Variants in CUL4A observed in about 807,000 individuals in gnomAD.
CUL4A encodes the protein cullin-4A.
A neutral mutation model predicts 95.5 loss-of-function variants in CUL4A; 16 were observed. The observed-to-expected ratio is 0.17, with a 90% confidence interval of 0.11 to 0.25. The LOEUF (loss-of-function observed/expected upper bound fraction) is 0.25, where lower values mean the gene tolerates loss of function less well. Among genes scored for constraint, CUL4A ranks in the 10% least tolerant of loss-of-function variants. The pLI, the probability that CUL4A is intolerant of heterozygous loss-of-function variation, is 1.00. For synonymous variants in CUL4A, 380 were observed against 353.1 expected (o/e 1.08, Z -0.85); for missense variants, 610 against 937.0 (o/e 0.65, Z 4.56).
Position 113,263,953 on chromosome 13 carries a change from G to T in CUL4A, c.*371G>T, listed in dbSNP as rs1042464465. 6.1e-6 allele frequency: 1 copy of T among 162,816 alleles called. No homozygotes were observed. Among genetic ancestry groups the T allele is most frequent in the African/African-American group, 2.4e-5 (1 of 41,892 alleles). The allele number at this position is 162,816 out of a possible 1,614,324, so 10.1% of individuals were successfully genotyped here. ...GTGATCATGAGTGCACAATGAAGAA[G>T]ACCCTAGATGCTGCATTTTTTAGCT... On this transcript the variant is annotated 3_prime_UTR_variant, in exon 20 of 20. Coordinates refer to ENST00000375440, the MANE Select transcript of CUL4A (RefSeq NM_001008895.4).
At chr13:113,257,770 C>T (rs2042167211) in intron 18 of CUL4A, among the ~76,000 whole-genome samples, 1 of 151,830 alleles carries the variant, frequency 6.6e-6, no homozygotes, top group South Asian at 2.1e-4. Flanking sequence ...TTTTAAAAAA[C>T]ATTTATACTA....
chr13:113,208,959 C>A (rs961339955), upstream of CUL4A: 2 of 1,167,982 alleles, frequency 1.7e-6, no homozygotes, highest in Non-Finnish European at 2.1e-6. Context: ...GCTGACCCTT[C>A]GTCTGCCCCT....
chr13:113,239,406 T>C, intron 9 of CUL4A, 27 bp from the exon 10 acceptor site: 1 of 1,572,196 alleles, frequency 6.4e-7, no homozygotes, highest in Non-Finnish European at 8.8e-7. Flanking sequence ...CATGCTGTAC[T>C]CTGCTGACGT....
At chr13:113,247,864 AC>A (rs2041895813) in intron 15 of CUL4A, among the ~76,000 whole-genome samples, 1 of 151,972 alleles carries the variant, frequency 6.6e-6, no homozygotes, top group Non-Finnish European at 1.5e-5. Flanking sequence ...TAATACTTTC[AC>A]CCCATTTCTG....
chr13:113,224,308 G>A (rs1235683043), intron 3 of CUL4A, among the ~76,000 whole-genome samples: 1 of 151,622 alleles, frequency 6.6e-6, no homozygotes, highest in Non-Finnish European at 1.5e-5. Flanking sequence ...AGCCGAGATC[G>A]CACCACTGCA....
intron 7 of CUL4A, among the ~76,000 whole-genome samples, chr13:113,234,717 A>C (rs544623501): frequency 3.9e-5 from 6 of 152,116 alleles, no homozygotes; most frequent in African/African-American, 1.4e-4. Flanking sequence ...CAGGGTTGCC[A>C]TTTAGCACCT....
intron 18 of CUL4A, among the ~76,000 whole-genome samples, chr13:113,259,386 G>A (rs1232805606): frequency 6.6e-6 from 1 of 152,222 alleles, no homozygotes; most frequent in Non-Finnish European, 1.5e-5. Flanking sequence ...TGCCTCATAT[G>A]TATGCACAGA....
chr13:113,240,507 C>T (rs71446679), intron 10 of CUL4A, among the ~76,000 whole-genome samples: 32,635 of 152,120 alleles, frequency 0.21, 4,005 homozygotes, highest in South Asian at 0.43. Flanking sequence ...AAATGGTGAA[C>T]ATTTAGCAAA....
At chr13:113,248,688 A>G (rs1241602948) in intron 15 of CUL4A, among the ~76,000 whole-genome samples, 1 of 152,192 alleles carries the variant, frequency 6.6e-6, no homozygotes, top group East Asian at 1.9e-4. Context: ...TATTTTATAT[A>G]AGTGTGAGAT....
chr13:113,261,353 C>G (rs968400474), intron 19 of CUL4A, among the ~76,000 whole-genome samples: 15 of 152,118 alleles, frequency 9.9e-5, no homozygotes, highest in African/African-American at 3.4e-4. Flanking sequence ...GGGACAGGAC[C>G]GGCCACACGT....
At chr13:113,257,520 A>AGGG (rs1332740578) in intron 18 of CUL4A, among the ~76,000 whole-genome samples, 4 of 152,100 alleles carry the variant, frequency 2.6e-5, no homozygotes, top group African/African-American at 9.7e-5. Context: ...GGAAGGTGCA[A>AGGG]GGGGAGCAGG....
At position 113,232,096 on chromosome 13, in the gene CUL4A, GTCACCACTACCCGCCCACCACCATTA is replaced by G. The variant is rs1566343174; in HGVS notation, c.513-1080_513-1055del. Among the ~76,000 whole-genome samples, 44 of 144,610 alleles carry G rather than the reference GTCACCACTACCCGCCCACCACCATTA, an allele frequency of 3.0e-4. 1 individual carries two copies. Among genetic ancestry groups the G allele is most frequent in the African/African-American group, 1.1e-3 (39 of 35,842 alleles). 94.9% of individuals were successfully genotyped at this position (144,610 alleles called of 152,430 possible). ...CCACTACCCGCCCACCACCATTACT[GTCACCACTACCCGCCCACCACCATTA>G]CTGTCACCACTACCCGCCCACCACC... On this transcript the variant is annotated intron_variant, in intron 5 of 19. Transcript: ENST00000375440.
chr13:113,243,179 T>C lies in CUL4A; in HGVS notation c.1228+19T>C, dbSNP rs1342951756. 1.3e-6 allele frequency: 2 copies of C among 1,574,270 alleles called. No homozygotes were observed. The highest frequency in any genetic ancestry group is 2.3e-5 in the East Asian group (1 of 44,050). ...CTGATCGGTAGAAAAATATTTGTTT[T>C]TTTTGTTTGTTTGTTTTTGAGACAG... is the stretch of plus-strand genomic sequence containing the variant. On this transcript the variant is annotated intron_variant, in intron 11 of 19. Coordinates refer to ENST00000375440, the MANE Select transcript of CUL4A (RefSeq NM_001008895.4).
At chr13:113,208,752 G>A (rs911029982), upstream of CUL4A, 10 of 1,469,862 alleles carry the variant, frequency 6.8e-6, no homozygotes, top group Non-Finnish European at 9.0e-6. Context: ...CGGGTGCGCA[G>A]GTTGGTTCCG....
intron 18 of CUL4A, among the ~76,000 whole-genome samples, chr13:113,259,842 T>C (rs1377960259): frequency 2.0e-5 from 3 of 152,262 alleles, no homozygotes; most frequent in African/African-American, 7.2e-5. Context: ...GGAAGGTACC[T>C]TTTACTACAA....
At chr13:113,260,843 C>A in intron 19 of CUL4A, 84 bp downstream of exon 19, 1 of 1,051,076 alleles carries the variant, frequency 9.5e-7, no homozygotes, top group Non-Finnish European at 1.4e-6. Flanking sequence ...TCAGTCATAT[C>A]ATTTGACCTG....
rs2042354190 is a variant in CUL4A, at chr13:113,263,988, C to G, written c.*406C>G. 6.4e-6 allele frequency: 1 copy of G among 155,140 alleles called. No individual in the cohort carries two copies. The highest frequency in any genetic ancestry group is 2.1e-4 in the South Asian group (1 of 4,874). 9.6% of individuals were successfully genotyped at this position (155,140 alleles called of 1,614,324 possible). On this transcript the variant is annotated 3_prime_UTR_variant, in exon 20 of 20. Transcript: ENST00000375440. ...GCTGCATTTTTTAGCTCTGAAGATT[C>G]CTTAGGTATCCCTGAAGACAGCTCG...
intron 10 of CUL4A, among the ~76,000 whole-genome samples, chr13:113,240,112 T>C (rs998327325): frequency 6.6e-6 from 1 of 152,244 alleles, no homozygotes; most frequent in African/African-American, 2.4e-5. Flanking sequence ...TCACATGTCC[T>C]GTGCAGGAGA....
At chr13:113,258,478 T>G (rs995495351) in intron 18 of CUL4A, among the ~76,000 whole-genome samples, 1 of 152,270 alleles carries the variant, frequency 6.6e-6, no homozygotes, top group East Asian at 1.9e-4. Flanking sequence ...TGTATATATG[T>G]AAATACATAC....
Sources: allele counts gnomAD v4.1 joint callset (sites outside exome capture counted in the v4.1 genomes callset), GRCh38; gene constraint gnomAD v4.1.1; transcripts MANE v1.5; gene names NCBI Gene and HGNC (gene_info 2026-07-23, HGNC 2026-07-21).